EEPD1: variants seen among roughly 807,000 people sequenced by gnomAD.
EEPD1 encodes endonuclease/exonuclease/phosphatase family domain-containing protein 1.
Under a neutral mutation model 46.3 loss-of-function variants are expected in EEPD1, and 17 were observed. That is an observed-to-expected ratio of 0.37 (90% CI 0.25 to 0.55). The LOEUF is 0.55. EEPD1 is among the 20% of genes least tolerant of loss of function. The pLI is 0.83. For missense variants in EEPD1, 673 were observed against 745.6 expected, an observed-to-expected ratio of 0.90 and a Z score of 1.13; for synonymous variants, 313 against 315.6, an observed-to-expected ratio of 0.99 and a Z score of 0.09.
intron 3 of EEPD1, among the ~76,000 whole-genome samples, chr7:36,263,529 C>T (rs2115834732): frequency 6.6e-6 from 1 of 152,328 alleles, no homozygotes; most frequent in South Asian, 2.1e-4. Flanking sequence ...CAGAGCAGAG[C>T]ATCTTCCCAA....
chr7:36,222,050 G>A (rs561194781), intron 2 of EEPD1, among the ~76,000 whole-genome samples: 117 of 152,026 alleles, frequency 7.7e-4, no homozygotes, highest in African/African-American at 2.7e-3. Flanking sequence ...ATTCAGGATC[G>A]TTAACCCTTG....
chr7:36,217,328 T>A (rs1256510111), intron 2 of EEPD1, among the ~76,000 whole-genome samples: 1 of 152,252 alleles, frequency 6.6e-6, no homozygotes, highest in Non-Finnish European at 1.5e-5. Context: ...AAACTGTCAC[T>A]TACAAACTGT....
chr7:36,209,584 G>A (rs1392594230), intron 2 of EEPD1, among the ~76,000 whole-genome samples: 1 of 152,134 alleles, frequency 6.6e-6, no homozygotes, highest in Non-Finnish European at 1.5e-5. Context: ...GGGTTTTAAT[G>A]GGAGGCTATT....
chr7:36,191,242 C>T (rs1785455705), intron 2 of EEPD1, among the ~76,000 whole-genome samples: 1 of 152,170 alleles, frequency 6.6e-6, no homozygotes, highest in South Asian at 2.1e-4. Flanking sequence ...CTTAAAATGA[C>T]AAGAGGGAGT....
At chr7:36,218,429 T>C (rs1374414478) in intron 2 of EEPD1, among the ~76,000 whole-genome samples, 1 of 151,854 alleles carries the variant, frequency 6.6e-6, no homozygotes, top group East Asian at 1.9e-4. Context: ...TAGACTGTAA[T>C]AAAATTTATG....
intron 2 of EEPD1, among the ~76,000 whole-genome samples, chr7:36,163,298 A>T (rs1448052828): frequency 2.0e-5 from 3 of 151,712 alleles, no homozygotes; most frequent in Non-Finnish European, 4.4e-5. Flanking sequence ...CCAATCTTTT[A>T]AAGTTTTAAT....
intron 2 of EEPD1, among the ~76,000 whole-genome samples, chr7:36,227,735 G>T (rs1445262734): frequency 6.6e-6 from 1 of 152,090 alleles, no homozygotes; most frequent in Non-Finnish European, 1.5e-5. Flanking sequence ...TGTTGCCCAG[G>T]CTGGAGTGCA....
At chr7:36,203,895 T>G (rs1461503846) in intron 2 of EEPD1, among the ~76,000 whole-genome samples, 2 of 151,994 alleles carry the variant, frequency 1.3e-5, no homozygotes, top group Non-Finnish European at 2.9e-5. Context: ...CTAGCTCCGG[T>G]GCTCATGAAT....
intron 2 of EEPD1, among the ~76,000 whole-genome samples, chr7:36,207,470 C>T (rs926997185): frequency 3.3e-5 from 5 of 152,162 alleles, no homozygotes; most frequent in African/African-American, 1.2e-4. Context: ...ACAGGTTAGG[C>T]CACCTACTTG....
intron 2 of EEPD1, among the ~76,000 whole-genome samples, chr7:36,156,337 C>G (rs982872249): frequency 2.6e-5 from 4 of 152,150 alleles, no homozygotes; most frequent in African/African-American, 9.7e-5. Flanking sequence ...GAGAGGGACT[C>G]CACACTGGGT....
chr7:36,236,342 C>A (rs1022812214), intron 2 of EEPD1, among the ~76,000 whole-genome samples: 4 of 152,230 alleles, frequency 2.6e-5, no homozygotes, highest in African/African-American at 7.2e-5. Context: ...TCCAGGTGAG[C>A]GCGGGCTTGG....
chr7:36,154,087 A>G lies in EEPD1; in HGVS notation c.-192-46A>G. 1 of 576,830 alleles carries G rather than the reference A, an allele frequency of 1.7e-6. No homozygotes were observed. The highest frequency in any genetic ancestry group is 3.0e-6 in the Non-Finnish European group (1 of 329,720). The allele number at this position is 576,830 out of a possible 1,614,324, so 35.7% of individuals were successfully genotyped here. ...CACTAGGTAGGGGGTGCTAATGCAA[A>G]TTTCTTAATTCAATGGGTTTCTATG... On this transcript the variant is annotated intron_variant, in intron 1 of 7. Transcript: ENST00000242108. The surrounding 1 kb of genome is among the most constrained non-coding windows in gnomAD (Gnocchi z 4.2).
At chr7:36,171,792 A>G (rs946798373) in intron 2 of EEPD1, among the ~76,000 whole-genome samples, 37 of 152,270 alleles carry the variant, frequency 2.4e-4, no homozygotes, top group African/African-American at 8.7e-4. Context: ...TCTTCTCTGT[A>G]GTTAGTTTCA....
At chr7:36,222,224 G>T (rs1052689624) in intron 2 of EEPD1, among the ~76,000 whole-genome samples, 1 of 152,152 alleles carries the variant, frequency 6.6e-6, no homozygotes, top group Non-Finnish European at 1.5e-5. Flanking sequence ...TATGTCATAT[G>T]TACTGTATGT....
At chr7:36,267,790 A>AGTCC (rs1486364659) in intron 3 of EEPD1, among the ~76,000 whole-genome samples, 1 of 152,202 alleles carries the variant, frequency 6.6e-6, no homozygotes, top group Admixed American at 6.5e-5. Flanking sequence ...GTTATGTTCA[A>AGTCC]GTCCTAATCC....
In EEPD1 at chr7:36,193,539, A is replaced by T. The variant is rs1011756012; in HGVS notation, c.878+38337A>T. Among the ~76,000 whole-genome samples, 1 of 152,060 alleles carries T rather than the reference A, an allele frequency of 6.6e-6. No individual in the cohort carries two copies. Among genetic ancestry groups the T allele is most frequent in the Non-Finnish European group, 1.5e-5 (1 of 67,998 alleles). ...GCACCCAGGGCTGGGCTCTGGGTGT[A>T]TCTTCTGTGTTTTGATGGAGTGCTG... On this transcript the variant is annotated intron_variant, in intron 2 of 7. Transcript: ENST00000242108. This position sits in a 1 kb window ranked among gnomAD's most constrained non-coding sequence, Gnocchi z 4.9.
At chr7:36,295,390 C>T (rs1787507324) in intron 6 of EEPD1, among the ~76,000 whole-genome samples, 1 of 152,016 alleles carries the variant, frequency 6.6e-6, no homozygotes, top group African/African-American at 2.4e-5. Context: ...TCAAGGTATA[C>T]CTGACTTATA....
At chr7:36,174,978 G>A (rs966562375) in intron 2 of EEPD1, among the ~76,000 whole-genome samples, 1 of 152,326 alleles carries the variant, frequency 6.6e-6, no homozygotes, top group African/African-American at 2.4e-5. Context: ...AGTGGAAGAC[G>A]ATTTATGGAC....
In EEPD1 at chr7:36,238,980, T is replaced by A; in HGVS notation, c.879-5T>A. ...CAAGTGTGGTTTTGATTTTTTTTCT[T>A]ACAGCATCAAGCTTCTAGCTGTGCA... On this transcript the variant is annotated splice_polypyrimidine_tract_variant and splice_region_variant and intron_variant, in intron 2 of 7. Transcript: ENST00000242108. The A allele has an allele frequency of 6.2e-7, 1 of 1,604,984 alleles. No homozygotes were observed. Among genetic ancestry groups the A allele is most frequent in the Non-Finnish European group, 8.5e-7 (1 of 1,178,060 alleles).
Sources: gnomAD v4.1 joint callset for allele counts (sites outside exome capture counted in the v4.1 genomes callset) on GRCh38, gnomAD v4.1.1 for gene constraint, Gnocchi (gnomAD v3.1) non-coding constraint, MANE v1.5 for transcripts, NCBI Gene and HGNC (gene_info 2026-07-23, HGNC 2026-07-21) for gene names.